Variants in FAT3 observed in about 807,000 individuals in gnomAD.
The protein encoded by FAT3 is FAT atypical cadherin 3, also known as protocadherin Fat 3.
Under a neutral mutation model 310.2 loss-of-function variants are expected in FAT3, and 95 were observed. The observed-to-expected ratio is 0.31, with a 90% CI of 0.26 to 0.36. The LOEUF (loss-of-function observed/expected upper bound fraction) is 0.36, where lower values mean the gene tolerates loss of function less well. Ranked by LOEUF, FAT3 falls within the 10% of genes least tolerant of loss-of-function variation. The pLI is 1.00. For missense variants in FAT3, 5,408 were observed against 5,715.6 expected, an observed-to-expected ratio of 0.95 and a Z score of 1.74; for synonymous variants, 2,314 against 2,192.9, an observed-to-expected ratio of 1.06 and a Z score of -1.54.
At chr11:92,629,553 G>A (rs923702437) in intron 3 of FAT3, among the ~76,000 whole-genome samples, 2 of 151,814 alleles carry the variant, frequency 1.3e-5, no homozygotes, top group African/African-American at 4.8e-5. Context: ...TAGGACTATA[G>A]GCACGTGCCA....
intron 1 of FAT3, among the ~76,000 whole-genome samples, chr11:92,350,049 A>G (rs888584399): frequency 1.1e-4 from 16 of 151,734 alleles, no homozygotes; most frequent in African/African-American, 3.4e-4. Context: ...AGTCTGCTAG[A>G]CTCTATCAAT....
At chr11:92,634,895 G>A (rs1209801194) in intron 3 of FAT3, among the ~76,000 whole-genome samples, 1 of 152,190 alleles carries the variant, frequency 6.6e-6, no homozygotes, top group Non-Finnish European at 1.5e-5. Context: ...TAGGATTAGT[G>A]TGTCCTTATA....
chr11:92,810,914 C>G (rs1044695148), intron 13 of FAT3, among the ~76,000 whole-genome samples: 1 of 151,814 alleles, frequency 6.6e-6, no homozygotes, highest in Non-Finnish European at 1.5e-5. Flanking sequence ...GCTAAACAGA[C>G]CTTTATATAA....
intron 1 of FAT3, among the ~76,000 whole-genome samples, chr11:92,333,793 T>C (rs1192816096): frequency 6.6e-6 from 1 of 152,064 alleles, no homozygotes; most frequent in African/African-American, 2.4e-5. Context: ...GGTGGGATGT[T>C]TGGTACTCTC....
Position 92,895,621 on chromosome 11 carries a change from C to T in FAT3, c.*4508C>T, listed in dbSNP as rs1435272081. Reference sequence around the variant, plus strand: ...AACTGAATTGCTACTATTTAACAATCTTATGAGCCCACACTACTGCATTTT... The same window carrying T: ...AACTGAATTGCTACTATTTAACAATTTTATGAGCCCACACTACTGCATTTT... On this transcript the variant is annotated 3_prime_UTR_variant, in exon 28 of 28. Transcript: ENST00000525166. 1 of 152,140 alleles carries T rather than the reference C, an allele frequency of 6.6e-6. No homozygotes were observed. Among genetic ancestry groups the T allele is most frequent in the African/African-American group, 2.4e-5 (1 of 41,434 alleles). 9.4% of individuals were successfully genotyped at this position (152,140 alleles called of 1,614,324 possible).
At chr11:92,225,210 C>G (rs968237976) in intron 1 of FAT3, among the ~76,000 whole-genome samples, 36 bp downstream of exon 1, 1 of 152,180 alleles carries the variant, frequency 6.6e-6, no homozygotes, top group Non-Finnish European at 1.5e-5. Flanking sequence ...ATTTGGCTGC[C>G]TGGTGCACCG....
intron 1 of FAT3, among the ~76,000 whole-genome samples, chr11:92,344,315 T>C (rs761179018): frequency 2.6e-5 from 4 of 152,234 alleles, no homozygotes; most frequent in Non-Finnish European, 4.4e-5. Context: ...CATCCCTCAC[T>C]GTTCCTCCAA....
chr11:92,579,200 C>T (rs1938652725), intron 3 of FAT3, among the ~76,000 whole-genome samples: 1 of 151,734 alleles, frequency 6.6e-6, no homozygotes, highest in South Asian at 2.1e-4. Flanking sequence ...CAGGAATGGA[C>T]CAGTGAAAAT....
intron 2 of FAT3, among the ~76,000 whole-genome samples, chr11:92,466,538 G>T (rs1401251959): frequency 6.6e-6 from 1 of 150,904 alleles, no homozygotes; most frequent in African/African-American, 2.4e-5. Flanking sequence ...CCAAAACTTT[G>T]CCTCCATTCC....
chr11:92,535,179 G>T (rs1954211012), intron 3 of FAT3, among the ~76,000 whole-genome samples: 1 of 152,070 alleles, frequency 6.6e-6, no homozygotes, highest in African/African-American at 2.4e-5. Flanking sequence ...TGTACTTGAG[G>T]TTATTGTGTT....
At chr11:92,710,128 A>C (rs566294590) in intron 4 of FAT3, among the ~76,000 whole-genome samples, 60 of 152,350 alleles carry the variant, frequency 3.9e-4, no homozygotes, top group African/African-American at 1.4e-3. Flanking sequence ...TATTTTAAAA[A>C]ATGCATAAGT....
At chr11:92,231,407 A>T (rs1415492713) in intron 1 of FAT3, among the ~76,000 whole-genome samples, 1 of 152,202 alleles carries the variant, frequency 6.6e-6, no homozygotes, top group Non-Finnish European at 1.5e-5. Context: ...GTTCTCTATG[A>T]CTTGATCCTA....
intron 4 of FAT3, among the ~76,000 whole-genome samples, chr11:92,709,739 G>T (rs1182966727): frequency 3.3e-5 from 5 of 152,198 alleles, no homozygotes; most frequent in Admixed American, 6.5e-5. Context: ...AGGCACCTAG[G>T]TGGGAAGTTT....
intron 2 of FAT3, among the ~76,000 whole-genome samples, chr11:92,383,490 T>C (rs1949548092): frequency 6.6e-6 from 1 of 152,182 alleles, no homozygotes; most frequent in African/African-American, 2.4e-5. Flanking sequence ...GTGTATTTGT[T>C]TTCCCTCCCA....
chr11:92,562,782 T>A (rs1565414069), intron 3 of FAT3, among the ~76,000 whole-genome samples: 1 of 152,136 alleles, frequency 6.6e-6, no homozygotes, highest in Non-Finnish European at 1.5e-5. Context: ...ATGTTTCAGT[T>A]AAAGAAAATA....
At chr11:92,787,636 C>T (rs1291679709) in intron 7 of FAT3, among the ~76,000 whole-genome samples, 2 of 150,094 alleles carry the variant, frequency 1.3e-5, no homozygotes, top group African/African-American at 2.4e-5. Context: ...ATAATAATTG[C>T]AATTATTTAT....
At position 92,524,748 on chromosome 11, in the gene FAT3, T is replaced by C; in HGVS notation, c.3407T>C (p.Ile1136Thr). ...CTCTACTCCACCATTGAGGTCTACA[T>C]TGAAGTTGAAGATGTGAATGACAAT... ...VPLYSTIEVYIEVEDVNDNAP... is the reference protein window; with the variant it reads ...VPLYSTIEVYTEVEDVNDNAP... Residue 1136 changes from isoleucine (I) to threonine (T), a missense_variant, in exon 3 of 28, where the codon ATT becomes ACT. Physicochemically the swap from Ile to Thr is moderately conservative, Grantham distance 89. Around this residue, in one of 5 missense-constraint regions of FAT3, gnomAD observed 4,588 missense variants for 4,809.8 expected, o/e 0.95. Coordinates refer to ENST00000525166, the MANE Select transcript of FAT3 (RefSeq NM_001367949.2). The C allele has an allele frequency of 6.2e-7, 1 of 1,613,822 alleles. No individual in the cohort carries two copies. The highest frequency in any genetic ancestry group is 1.1e-5 in the South Asian group (1 of 91,064).
At chr11:92,341,100 G>C (rs1948249178) in intron 1 of FAT3, among the ~76,000 whole-genome samples, 1 of 152,196 alleles carries the variant, frequency 6.6e-6, no homozygotes, top group Non-Finnish European at 1.5e-5. Flanking sequence ...CCCTGTCCTG[G>C]ACCTAGAATG....
rs531396561 is a variant in FAT3 at position 92,477,207 on chromosome 11, T to G, written c.3293-47427T>G. The stretch of plus-strand genomic sequence containing the variant: ...TCCCACAGAAAAGAATGGAGATTTC[T>G]ATGGTAATGTGAGACTGCTTGTTTT... On this transcript the variant is annotated intron_variant, in intron 2 of 27. Transcript: ENST00000525166. Among the ~76,000 whole-genome samples, 7 of 152,344 alleles carry G rather than the reference T, an allele frequency of 4.6e-5. No homozygotes were observed. In the East Asian group the frequency reaches 1.3e-3, roughly 29 times the overall value.
Sources: gnomAD v4.1 joint callset for allele counts (sites outside exome capture counted in the v4.1 genomes callset) on GRCh38, gnomAD v4.1.1 for gene constraint, gnomAD v4.1.1 regional missense constraint, MANE v1.5 for transcripts, NCBI Gene and HGNC (gene_info 2026-07-23, HGNC 2026-07-21) for gene names.